Variants in CSMD1 observed in about 807,000 individuals in gnomAD.
CSMD1 encodes the protein CUB and Sushi multiple domains 1, also known as CUB and sushi domain-containing protein 1.
Under a neutral mutation model 417.5 loss-of-function variants are expected in CSMD1, and 213 were observed. The ratio of observed to expected loss-of-function variants is 0.51; its 90% CI spans 0.46 to 0.57. CSMD1 has a LOEUF of 0.57. CSMD1 is among the 20% of genes least tolerant of loss of function. CSMD1 has a pLI of 0.00. For missense variants in CSMD1, 6,923 were observed against 4,529.7 expected (o/e 1.53, Z -15.17); for synonymous variants, 2,862 against 1,736.8 (o/e 1.65, Z -16.11).
At chr8:4,721,746 A>C (rs981835420) in intron 1 of CSMD1, among the ~76,000 whole-genome samples, 36 of 152,280 alleles carry the variant, frequency 2.4e-4, no homozygotes, top group African/African-American at 7.9e-4. Flanking sequence ...TCATAGAAAT[A>C]GCTGCACTCC....
chr8:3,993,099 T>A (rs887020660), intron 5 of CSMD1, among the ~76,000 whole-genome samples: 3 of 152,158 alleles, frequency 2.0e-5, no homozygotes, highest in African/African-American at 7.2e-5. Flanking sequence ...TGAAAATGAG[T>A]TAGCAGCACT....
At chr8:4,056,652 A>G (rs561260489) in intron 3 of CSMD1, among the ~76,000 whole-genome samples, 12 of 151,854 alleles carry the variant, frequency 7.9e-5, no homozygotes, top group Non-Finnish European at 1.8e-4. Context: ...ATCATTTAGC[A>G]TTAGGTATAT....
At chr8:4,868,867 T>C (rs1802571340) in intron 1 of CSMD1, among the ~76,000 whole-genome samples, 2 of 152,052 alleles carry the variant, frequency 1.3e-5, no homozygotes, top group Non-Finnish European at 2.9e-5. Context: ...CAGATGATTT[T>C]TGAGAGGATT....
chr8:4,416,997 G>A (rs1329391011), intron 3 of CSMD1, among the ~76,000 whole-genome samples: 1 of 151,930 alleles, frequency 6.6e-6, no homozygotes, highest in Non-Finnish European at 1.5e-5. Context: ...AACTATGTTG[G>A]TTCACAATTA....
chr8:3,224,220 A>G (rs56144889), intron 27 of CSMD1, among the ~76,000 whole-genome samples: 41,801 of 152,134 alleles, frequency 0.27, 5,894 homozygotes, highest in East Asian at 0.31. Context: ...GTGCACAAAC[A>G]GAAAAACACT....
At chr8:3,264,267 C>T (rs533399558) in intron 26 of CSMD1, among the ~76,000 whole-genome samples, 12 of 152,096 alleles carry the variant, frequency 7.9e-5, no homozygotes, top group Non-Finnish European at 1.5e-4. Flanking sequence ...ACAATAAGTA[C>T]CTGGTTTGGA....
At chr8:3,012,728 T>C (rs563164415) in intron 52 of CSMD1, among the ~76,000 whole-genome samples, 5 of 152,292 alleles carry the variant, frequency 3.3e-5, no homozygotes, top group African/African-American at 4.8e-5. Context: ...TGTTTAAAAA[T>C]ACACAAATGA....
intron 1 of CSMD1, among the ~76,000 whole-genome samples, chr8:4,809,484 T>C (rs1462848244): frequency 2.0e-5 from 3 of 152,234 alleles, no homozygotes; most frequent in South Asian, 2.1e-4. Context: ...TTCCAGGGGA[T>C]TGCCAATAGA....
chr8:3,728,457 G>C (rs1382808381), intron 6 of CSMD1, among the ~76,000 whole-genome samples: 1 of 152,314 alleles, frequency 6.6e-6, no homozygotes, highest in African/African-American at 2.4e-5. Flanking sequence ...GGTAAATTCT[G>C]TGTTAGGTTT....
intron 25 of CSMD1, among the ~76,000 whole-genome samples, chr8:3,295,429 A>C (rs11785385): frequency 6.6e-6 from 1 of 151,930 alleles, no homozygotes; most frequent in East Asian, 1.9e-4. Flanking sequence ...CCCAGCCTCA[A>C]TTTGCTTTTG....
At chr8:4,463,535 A>G (rs899073355) in intron 2 of CSMD1, among the ~76,000 whole-genome samples, 1 of 152,160 alleles carries the variant, frequency 6.6e-6, no homozygotes, top group Non-Finnish European at 1.5e-5. Context: ...ATGAAAAAAC[A>G]TGGTCTATAT....
chr8:3,196,917 T>G (rs1177623433), intron 33 of CSMD1, among the ~76,000 whole-genome samples: 3 of 152,192 alleles, frequency 2.0e-5, no homozygotes, highest in Admixed American at 2.0e-4. Context: ...GATACATCCA[T>G]GCTGAAGGGT....
chr8:3,231,406 T>C (rs1248752296), intron 26 of CSMD1, among the ~76,000 whole-genome samples: 3 of 152,196 alleles, frequency 2.0e-5, no homozygotes, highest in Non-Finnish European at 2.9e-5. Context: ...TCTATATACA[T>C]ACCATCACAC....
At chr8:3,023,478 C>T (rs996193763) in intron 51 of CSMD1, among the ~76,000 whole-genome samples, 4 of 151,984 alleles carry the variant, frequency 2.6e-5, no homozygotes, top group South Asian at 2.1e-4. Flanking sequence ...GGTGTGTAGC[C>T]GCCTCTACAT....
At chr8:3,423,014 G>C (rs117060100) in intron 12 of CSMD1, among the ~76,000 whole-genome samples, 17 of 152,294 alleles carry the variant, frequency 1.1e-4, no homozygotes, top group African/African-American at 3.6e-4. Flanking sequence ...AATTTTACAG[G>C]AGACACCTTC....
chr8:4,467,686 G>C (rs1052799817), intron 2 of CSMD1, among the ~76,000 whole-genome samples: 1 of 152,094 alleles, frequency 6.6e-6, no homozygotes, highest in Non-Finnish European at 1.5e-5. Flanking sequence ...GGTGCAAATA[G>C]GGTTGGACAA....
intron 1 of CSMD1, among the ~76,000 whole-genome samples, chr8:4,802,261 G>T (rs548198784): frequency 6.6e-5 from 10 of 152,112 alleles, no homozygotes; most frequent in Non-Finnish European, 8.8e-5. Flanking sequence ...CTTTTCCTCT[G>T]CCTGCCTCAG....
chr8:4,896,208 T>C (rs1804469777), intron 1 of CSMD1, among the ~76,000 whole-genome samples: 2 of 152,128 alleles, frequency 1.3e-5, no homozygotes. Flanking sequence ...GTGAAGTGTC[T>C]TGTCAGTCTG....
chr8:4,456,213 G>C (rs1483631560), intron 2 of CSMD1, among the ~76,000 whole-genome samples: 1 of 151,854 alleles, frequency 6.6e-6, no homozygotes, highest in African/African-American at 2.4e-5. Flanking sequence ...TTAAAGCTTG[G>C]GCCAATTGGT....
Sources: allele counts gnomAD v4.1 joint callset (sites outside exome capture counted in the v4.1 genomes callset), GRCh38; gene constraint gnomAD v4.1.1; transcripts MANE v1.5; gene names NCBI Gene and HGNC (gene_info 2026-07-23, HGNC 2026-07-21).